Variants in DCDC1 observed in about 807,000 individuals in gnomAD.
DCDC1 encodes doublecortin domain-containing protein 1.
In DCDC1, 200 loss-of-function variants were observed where a neutral mutation model predicts 178.3. That is an observed-to-expected ratio of 1.12 (90% CI 1.00 to 1.26). DCDC1 has a LOEUF of 1.26. Among genes scored for constraint, DCDC1 ranks in the 50% most tolerant of loss-of-function variants. The probability of loss-of-function intolerance (pLI) is 0.00; values close to 1 mark genes in which losing one functional copy is unlikely to be tolerated. For synonymous variants in DCDC1, 690 were observed against 604.8 expected, an observed-to-expected ratio of 1.14 and a Z score of -2.07; for missense variants, 1,983 against 1,749.2, an observed-to-expected ratio of 1.13 and a Z score of -2.38.
At chr11:31,068,606 A>G (rs1454697464) in intron 18 of DCDC1, among the ~76,000 whole-genome samples, 1 of 152,162 alleles carries the variant, frequency 6.6e-6, no homozygotes, top group Non-Finnish European at 1.5e-5. Context: ...ATGATACACT[A>G]TCAATAATAA....
rs192648805 is a variant in DCDC1, at chr11:31,328,998, T to C, written c.-6-712A>G. Among the ~76,000 whole-genome samples, 296 of 148,884 alleles carry C rather than the reference T, an allele frequency of 2.0e-3. 1 individual carries two copies. The highest frequency in any genetic ancestry group is 7.2e-3 in the African/African-American group (288 of 40,202). ...TTGTCTGTCCTTCATCCCTCTTTTTTGGAACTTACCTTCCTCCTGATTCTG... is the reference window on the plus strand; with the variant it reads ...TTGTCTGTCCTTCATCCCTCTTTTTCGGAACTTACCTTCCTCCTGATTCTG... On this transcript the variant is annotated intron_variant, in intron 2 of 38. Coordinates refer to ENST00000684477, the MANE Select transcript of DCDC1 (RefSeq NM_001387274.1).
intron 9 of DCDC1, among the ~76,000 whole-genome samples, chr11:31,199,511 A>T (rs1831442): frequency 2.0e-5 from 3 of 152,092 alleles, no homozygotes; most frequent in Admixed American, 1.3e-4. Flanking sequence ...AGGCATCGAG[A>T]CTGTCACATG....
chr11:31,213,316 A>G (rs888733807), intron 9 of DCDC1, among the ~76,000 whole-genome samples: 4 of 151,776 alleles, frequency 2.6e-5, no homozygotes, highest in African/African-American at 7.3e-5. Context: ...ATCATTGGTA[A>G]GTAGAGACTG....
Position 30,922,602 on chromosome 11 carries a change from C to G in DCDC1, c.3034G>C (p.Asp1012His), listed in dbSNP as rs1946320964. The change falls in exon 24 of 39, where the codon GAC (aspartate) becomes CAC (histidine). Residue 1012 changes from aspartate to histidine, a missense_variant. Transcript: ENST00000684477. Reference protein sequence around the residue: ...VSCGELWINPDLSIAQQKKQI... With the variant: ...VSCGELWINPHLSIAQQKKQI... ...TTCTTTTGCTGAGCAATGGACAGGT[C>G]AGGATTGATCCAGAGTTCTCCACAT... 5 of 1,577,062 alleles carry G rather than the reference C, an allele frequency of 3.2e-6. No homozygotes were observed. The highest frequency in any genetic ancestry group is 4.3e-6 in the Non-Finnish European group (5 of 1,166,810).
chr11:30,891,863 G>C (rs1403117832), intron 36 of DCDC1, among the ~76,000 whole-genome samples: 1 of 152,056 alleles, frequency 6.6e-6, no homozygotes, highest in Non-Finnish European at 1.5e-5. Flanking sequence ...AAGAAGAGTG[G>C]TCTCCCTTAC....
intron 20 of DCDC1, among the ~76,000 whole-genome samples, chr11:30,978,064 A>T (rs1950196685): frequency 6.6e-6 from 1 of 152,270 alleles, no homozygotes; most frequent in Admixed American, 6.5e-5. Context: ...ACAACAAGTC[A>T]GTAGGCCAAT....
At chr11:31,283,975 T>C (rs901443349) in intron 7 of DCDC1, among the ~76,000 whole-genome samples, 7 of 151,204 alleles carry the variant, frequency 4.6e-5, no homozygotes, top group African/African-American at 9.7e-5. Flanking sequence ...TCCCTCCCTC[T>C]CTCTCTCTCT....
At chr11:31,096,696 A>G (rs1958174625) in intron 15 of DCDC1, among the ~76,000 whole-genome samples, 1 of 151,448 alleles carries the variant, frequency 6.6e-6, no homozygotes, top group African/African-American at 2.4e-5. Context: ...ATATTGTGTT[A>G]TTAAAAAAAA....
At chr11:31,212,601 A>T (rs1294138610) in intron 9 of DCDC1, among the ~76,000 whole-genome samples, 1 of 152,214 alleles carries the variant, frequency 6.6e-6, no homozygotes, top group East Asian at 1.9e-4. Flanking sequence ...ATGAATTAAC[A>T]GATTTTTCAA....
intron 20 of DCDC1, among the ~76,000 whole-genome samples, chr11:30,977,466 A>G (rs1388485401): frequency 6.6e-6 from 1 of 152,234 alleles, no homozygotes; most frequent in Non-Finnish European, 1.5e-5. Context: ...TTACGTAGCA[A>G]TAAAAATTAG....
At chr11:30,961,101 A>G (rs1265380391) in intron 20 of DCDC1, among the ~76,000 whole-genome samples, 1 of 152,150 alleles carries the variant, frequency 6.6e-6, no homozygotes, top group East Asian at 1.9e-4. Flanking sequence ...TGCTTTATTC[A>G]ATTAATCTTT....
intron 20 of DCDC1, among the ~76,000 whole-genome samples, chr11:30,982,458 A>T (rs995787899): frequency 1.3e-5 from 2 of 149,506 alleles, no homozygotes; most frequent in African/African-American, 4.9e-5. Flanking sequence ...TAATAGCAAC[A>T]CTCTTTTGTT....
chr11:30,948,883 A>T (rs1380200099), intron 21 of DCDC1, among the ~76,000 whole-genome samples: 1 of 152,230 alleles, frequency 6.6e-6, no homozygotes, highest in East Asian at 1.9e-4. Context: ...TAAACATAAG[A>T]CCTAACACCA....
At chr11:30,977,121 T>TA (rs770069042) in intron 20 of DCDC1, among the ~76,000 whole-genome samples, 10 of 152,176 alleles carry the variant, frequency 6.6e-5, no homozygotes, top group Non-Finnish European at 1.3e-4. Flanking sequence ...ATGTGAGAGC[T>TA]AAAAATGTTG....
At chr11:31,359,806 T>C (rs1218656401) in intron 1 of DCDC1, among the ~76,000 whole-genome samples, 1 of 152,216 alleles carries the variant, frequency 6.6e-6, no homozygotes, top group African/African-American at 2.4e-5. Flanking sequence ...TCTAAAGTTC[T>C]CTGTCTCTAA....
At chr11:30,999,299 T>C (rs1034576150) in intron 20 of DCDC1, among the ~76,000 whole-genome samples, 3 of 152,162 alleles carry the variant, frequency 2.0e-5, no homozygotes, top group Non-Finnish European at 4.4e-5. Context: ...TTCTGATAAA[T>C]GTATCATGGT....
chr11:31,004,814 T>G (rs1426947847), intron 20 of DCDC1, among the ~76,000 whole-genome samples: 1 of 152,082 alleles, frequency 6.6e-6, no homozygotes, highest in East Asian at 1.9e-4. Context: ...AGTTTCCCTA[T>G]CTATAAAATC....
At chr11:30,998,450 T>C (rs958628848) in intron 20 of DCDC1, among the ~76,000 whole-genome samples, 4 of 151,988 alleles carry the variant, frequency 2.6e-5, no homozygotes, top group Non-Finnish European at 4.4e-5. Flanking sequence ...ACCCAAAGAA[T>C]AAAGTAAATA....
chr11:31,299,889 C>T (rs757191327), intron 6 of DCDC1, among the ~76,000 whole-genome samples: 3 of 152,012 alleles, frequency 2.0e-5, no homozygotes, highest in Non-Finnish European at 2.9e-5. Context: ...GACAGAGTCT[C>T]GCTCTGTCGC....
Sources: allele counts gnomAD v4.1 joint callset (sites outside exome capture counted in the v4.1 genomes callset), GRCh38; gene constraint gnomAD v4.1.1; transcripts MANE v1.5; gene names NCBI Gene and HGNC (gene_info 2026-07-23, HGNC 2026-07-21).